PKD1L1: variants seen among roughly 807,000 people sequenced by gnomAD.
PKD1L1 encodes the protein polycystin-1-like protein 1.
Under a neutral mutation model 323.4 loss-of-function variants are expected in PKD1L1, and 236 were observed. That is an observed-to-expected ratio of 0.73 (90% CI 0.66 to 0.81). The LOEUF (loss-of-function observed/expected upper bound fraction) is 0.81, where lower values mean the gene tolerates loss of function less well. Ranked by LOEUF, PKD1L1 falls within the 40% of genes least tolerant of loss-of-function variation. PKD1L1 has a pLI of 0.00. For missense variants in PKD1L1, 3,320 were observed against 3,508.0 expected (o/e 0.95, Z 1.35); for synonymous variants, 1,344 against 1,335.0 (o/e 1.01, Z -0.15).
chr7:47,929,074 G>T, intron 7 of PKD1L1, 130 bp downstream of exon 7: 1 of 940,190 alleles, frequency 1.1e-6, no homozygotes, highest in African/African-American at 1.7e-5. Context: ...TACTATTCTT[G>T]GAGCCAGGAA....
chr7:47,787,229 T>A (rs186865243), intron 56 of PKD1L1, among the ~76,000 whole-genome samples: 1 of 152,148 alleles, frequency 6.6e-6, no homozygotes, highest in African/African-American at 2.4e-5. Context: ...GCTAAACTCA[T>A]GTTGCAGAAA....
chr7:47,834,450 G>A, intron 39 of PKD1L1, 65 bp from the exon 40 acceptor site: 10 of 1,362,218 alleles, frequency 7.3e-6, no homozygotes, highest in Non-Finnish European at 1.0e-5. Context: ...ACAGGGATAT[G>A]TTTAAGGATT....
At chr7:47,878,047 T>C (rs189609426) in intron 21 of PKD1L1, among the ~76,000 whole-genome samples, 25 of 151,846 alleles carry the variant, frequency 1.6e-4, no homozygotes, top group Non-Finnish European at 3.2e-4. Flanking sequence ...AACAGACCCA[T>C]TACCCAGCAG....
At position 47,839,386 on chromosome 7, in the gene PKD1L1, G is replaced by T; in HGVS notation, c.5769+60C>A. ...AACTGTGGCAAGCGAAGCAGAGACA[G>T]GTGCCATGCTCTGCCGGTCAGCCAG... On this transcript the variant is annotated intron_variant, in intron 36 of 56. Coordinates refer to ENST00000289672, the MANE Select transcript of PKD1L1 (RefSeq NM_138295.5). The surrounding 1 kb of genome is among the most constrained non-coding windows in gnomAD (Gnocchi z 4.3). The T allele has an allele frequency of 7.2e-7, 1 of 1,398,030 alleles. No homozygotes were observed. Among genetic ancestry groups the T allele is most frequent in the Non-Finnish European group, 9.9e-7 (1 of 1,012,506 alleles). 86.6% of individuals were successfully genotyped at this position (1,398,030 alleles called of 1,614,324 possible).
chr7:47,826,483 AG>A (rs1270876383), intron 45 of PKD1L1, among the ~76,000 whole-genome samples: 1 of 152,186 alleles, frequency 6.6e-6, no homozygotes, highest in African/African-American at 2.4e-5. Context: ...AAAATATTTA[AG>A]GGGAAGCTAA....
intron 51 of PKD1L1, 101 bp downstream of exon 51, chr7:47,809,372 G>A: frequency 1.2e-6 from 1 of 830,918 alleles, no homozygotes; most frequent in Non-Finnish European, 1.8e-6. Context: ...AATAATGTTG[G>A]CAGTAGCTAG....
intron 7 of PKD1L1, among the ~76,000 whole-genome samples, chr7:47,926,905 A>G (rs1787665965): frequency 6.6e-6 from 1 of 152,262 alleles, no homozygotes; most frequent in Admixed American, 6.5e-5. Context: ...GCATAGGTAG[A>G]GAGAGCACGC....
At chr7:47,910,908 G>C (rs994292835) in intron 8 of PKD1L1, among the ~76,000 whole-genome samples, 2 of 147,454 alleles carry the variant, frequency 1.4e-5, no homozygotes, top group Non-Finnish European at 3.0e-5. Context: ...AGCTGGTCTC[G>C]AACTCCTGAC....
chr7:47,795,623 T>C (rs910783546), intron 55 of PKD1L1, among the ~76,000 whole-genome samples: 1 of 152,160 alleles, frequency 6.6e-6, no homozygotes, highest in Non-Finnish European at 1.5e-5. Flanking sequence ...TAAGGCTCTA[T>C]GTTTTGGATA....
At position 47,904,239 on chromosome 7, in the gene PKD1L1, T is replaced by G. The variant is rs149889774; in HGVS notation, c.1931+139A>C. 182 of 1,191,272 alleles carry G rather than the reference T, an allele frequency of 1.5e-4. No homozygotes were observed. In the African/African-American group the frequency reaches 2.4e-3, roughly 15 times the overall value. The allele number at this position is 1,191,272 out of a possible 1,614,324, so 73.8% of individuals were successfully genotyped here. ...GCTCCTTGAGAAGCATGGTCAGGTCTTATTTGTCTCTGTGTAATCATCTGT... is the reference window on the plus strand; with the variant it reads ...GCTCCTTGAGAAGCATGGTCAGGTCGTATTTGTCTCTGTGTAATCATCTGT... On this transcript the variant is annotated intron_variant, in intron 12 of 56. Transcript: ENST00000289672.
intron 56 of PKD1L1, among the ~76,000 whole-genome samples, chr7:47,776,418 T>C (rs1786570432): frequency 2.6e-5 from 4 of 152,188 alleles, no homozygotes; most frequent in Non-Finnish European, 2.9e-5. Flanking sequence ...ACTGGCTGCT[T>C]CTCCCTTGAG....
intron 45 of PKD1L1, among the ~76,000 whole-genome samples, chr7:47,821,455 G>C (rs1325837609): frequency 6.6e-6 from 1 of 151,830 alleles, no homozygotes; most frequent in Non-Finnish European, 1.5e-5. Context: ...ATTTAGTGGA[G>C]ACGGGGTTTC....
intron 24 of PKD1L1, among the ~76,000 whole-genome samples, chr7:47,872,855 G>C (rs1786311905): frequency 1.3e-5 from 2 of 152,032 alleles, no homozygotes; most frequent in Non-Finnish European, 2.9e-5. Context: ...ACAAAAACTT[G>C]CACATAAATG....
intron 8 of PKD1L1, among the ~76,000 whole-genome samples, chr7:47,912,815 C>CAAAAAA (rs59792729): frequency 3.4e-3 from 215 of 63,550 alleles, no homozygotes; most frequent in East Asian, 5.5e-3. Flanking sequence ...GACTGTGTCT[C>CAAAAAA]AAAAAAAAAA....
At chr7:47,944,073 C>A (rs1037639457) in intron 1 of PKD1L1, among the ~76,000 whole-genome samples, 1 of 152,232 alleles carries the variant, frequency 6.6e-6, no homozygotes, top group Non-Finnish European at 1.5e-5. Flanking sequence ...AGGTTCCGTG[C>A]AGTTACTTTT....
intron 56 of PKD1L1, among the ~76,000 whole-genome samples, chr7:47,780,481 A>T (rs1786667051): frequency 6.6e-6 from 1 of 152,090 alleles, no homozygotes; most frequent in South Asian, 2.1e-4. Context: ...AAAATACAAA[A>T]ATTAGCCAGG....
In PKD1L1 at chr7:47,796,058, C is replaced by T; in HGVS notation, c.8286G>A (p.Trp2762Ter). 6.2e-7 allele frequency: 1 copy of T among 1,612,384 alleles called. No homozygotes were observed. The highest frequency in any genetic ancestry group is 1.3e-5 in the African/African-American group (1 of 74,962). The change falls in exon 55 of 57, where the codon TGG (tryptophan) becomes TGA (stop). Residue 2762 changes from tryptophan to a stop codon, truncating the protein, a stop_gained. Coordinates refer to ENST00000289672, the MANE Select transcript of PKD1L1 (RefSeq NM_138295.5). LOFTEE classifies it high-confidence loss of function. ...VRLKDVTAYM[W>*]EKVLTFLRLE... ...GTCTCAGAAAGGTGAGGACCTTTTC[C>T]CACATATAAGCAGTGACATCTTTAA...
chr7:47,810,745 A>G (rs551125460), intron 50 of PKD1L1, among the ~76,000 whole-genome samples: 3 of 152,360 alleles, frequency 2.0e-5, no homozygotes, highest in African/African-American at 7.2e-5. Context: ...TTCCCAAGGA[A>G]TAACTCAGAG....
In PKD1L1 at chr7:47,878,126, G is replaced by A. The variant is rs140374306; in HGVS notation, c.3521-495C>T. Reference sequence around the variant, plus strand: ...CACATACACACGTACGTACAGCTTCGTTGAATGTATAGCACCAATACAATT... The same window carrying A: ...CACATACACACGTACGTACAGCTTCATTGAATGTATAGCACCAATACAATT... On this transcript the variant is annotated intron_variant, in intron 21 of 56. Transcript: ENST00000289672. 4.6e-5 allele frequency among the ~76,000 whole-genome samples: 7 copies of A among 152,212 alleles called. No individual in the cohort carries two copies. In the South Asian group the frequency reaches 8.3e-4, roughly 18 times the overall value.
Sources: gnomAD v4.1 joint callset for allele counts (sites outside exome capture counted in the v4.1 genomes callset) on GRCh38, gnomAD v4.1.1 for gene constraint, Gnocchi (gnomAD v3.1) non-coding constraint, MANE v1.5 for transcripts, NCBI Gene and HGNC (gene_info 2026-07-23, HGNC 2026-07-21) for gene names.